Variants in ADAMTSL1 observed in about 807,000 individuals in gnomAD.
ADAMTSL1 encodes the protein ADAMTS-like protein 1.
Under a neutral mutation model 201.8 loss-of-function variants are expected in ADAMTSL1, and 126 were observed. The observed-to-expected ratio is 0.62, with a 90% CI of 0.54 to 0.72. The LOEUF (loss-of-function observed/expected upper bound fraction) is 0.72, where lower values mean the gene tolerates loss of function less well. Among genes scored for constraint, ADAMTSL1 ranks in the 30% least tolerant of loss-of-function variants. ADAMTSL1 has a pLI of 0.00. For synonymous variants in ADAMTSL1, 1,121 were observed against 903.4 expected, an observed-to-expected ratio of 1.24 and a Z score of -4.32; for missense variants, 2,679 against 2,277.8, an observed-to-expected ratio of 1.18 and a Z score of -3.59.
chr9:17,975,993 G>A (rs80276410), intron 1 of ADAMTSL1, among the ~76,000 whole-genome samples: 8,305 of 152,014 alleles, frequency 0.055, 576 homozygotes, highest in African/African-American at 0.16. Flanking sequence ...CCCCGACTGT[G>A]TATTCTTGGC....
intron 25 of ADAMTSL1, chr9:18,890,535 C>G (rs529869830): frequency 1.4e-4 from 62 of 456,060 alleles, no homozygotes; most frequent in African/African-American, 1.2e-3. Context: ...ACTTAGGCAA[C>G]TGCTTTCTGT....
intron 2 of ADAMTSL1, among the ~76,000 whole-genome samples, chr9:18,300,770 T>C (rs1833677498): frequency 6.6e-6 from 1 of 151,978 alleles, no homozygotes; most frequent in Non-Finnish European, 1.5e-5. Context: ...CAAAGGGAAG[T>C]CCCATGATGA....
chr9:18,571,955 G>T (rs1387244409), intron 3 of ADAMTSL1, among the ~76,000 whole-genome samples: 1 of 152,136 alleles, frequency 6.6e-6, no homozygotes, highest in Non-Finnish European at 1.5e-5. Flanking sequence ...CACTTTGAGA[G>T]GCCAAGGCAG....
At chr9:18,147,465 T>C (rs1289271977) in intron 1 of ADAMTSL1, among the ~76,000 whole-genome samples, 1 of 152,112 alleles carries the variant, frequency 6.6e-6, no homozygotes, top group African/African-American at 2.4e-5. Context: ...GCTCATTCAC[T>C]GCTTGGAACC....
chr9:18,889,034 A>G (rs1013196005), intron 24 of ADAMTSL1, among the ~76,000 whole-genome samples: 23 of 152,252 alleles, frequency 1.5e-4, no homozygotes, highest in African/African-American at 5.3e-4. Context: ...CAGACCCCCA[A>G]AGCAACTGGC....
At chr9:18,233,371 T>C (rs1403463791) in intron 2 of ADAMTSL1, among the ~76,000 whole-genome samples, 1 of 152,238 alleles carries the variant, frequency 6.6e-6, no homozygotes, top group Non-Finnish European at 1.5e-5. Context: ...AATTTCATCT[T>C]TTTTATCTTA....
chr9:18,170,265 T>C (rs543252793), intron 2 of ADAMTSL1, among the ~76,000 whole-genome samples: 13 of 152,166 alleles, frequency 8.5e-5, no homozygotes, highest in African/African-American at 2.9e-4. Context: ...TCTAAATCAT[T>C]TCTACATTTT....
intron 1 of ADAMTSL1, among the ~76,000 whole-genome samples, chr9:18,117,657 A>C (rs1825313542): frequency 6.6e-6 from 1 of 152,152 alleles, no homozygotes; most frequent in East Asian, 1.9e-4. Context: ...ATTATTTATT[A>C]CATTTATCAT....
chr9:18,540,534 T>A (rs1361066192), intron 3 of ADAMTSL1, among the ~76,000 whole-genome samples: 1 of 152,122 alleles, frequency 6.6e-6, no homozygotes, highest in Admixed American at 6.5e-5. Context: ...GTGGGTCATT[T>A]TATCAGGTGC....
intron 2 of ADAMTSL1, among the ~76,000 whole-genome samples, chr9:18,384,682 C>G (rs1563926439): frequency 6.6e-6 from 1 of 152,152 alleles, no homozygotes; most frequent in Non-Finnish European, 1.5e-5. Context: ...GGTTGGATCT[C>G]TGATGTCCTC....
chr9:18,067,482 A>T (rs1822759135), intron 1 of ADAMTSL1, among the ~76,000 whole-genome samples: 1 of 152,194 alleles, frequency 6.6e-6, no homozygotes, highest in Non-Finnish European at 1.5e-5. Context: ...CCACATTGAA[A>T]CCATAATCAT....
intron 1 of ADAMTSL1, among the ~76,000 whole-genome samples, chr9:18,066,044 C>T (rs1822686320): frequency 6.7e-6 from 1 of 150,164 alleles, no homozygotes; most frequent in Non-Finnish European, 1.5e-5. Context: ...ACCAGTTCTC[C>T]CTTATTTAAT....
chr9:18,346,279 A>G (rs1165226758), intron 2 of ADAMTSL1, among the ~76,000 whole-genome samples: 2 of 152,010 alleles, frequency 1.3e-5, no homozygotes, highest in Admixed American at 1.3e-4. Flanking sequence ...GCATATAGCC[A>G]GCCTCTTGGG....
Position 18,232,809 on chromosome 9 carries a change from C to T in ADAMTSL1, c.207+68828C>T, listed in dbSNP as rs143046532. 9.6e-3 allele frequency among the ~76,000 whole-genome samples: 1,458 copies of T among 152,238 alleles called. 23 individuals are homozygous for T. Among genetic ancestry groups the T allele is most frequent in the South Asian group, 0.059 (282 of 4,818 alleles). On this transcript the variant is annotated intron_variant, in intron 2 of 29. Transcript: ENST00000680146. Reference sequence around the variant, plus strand: ...TTATATAGAAAAGTAGCATCCTGCTCAAGTGTAGTAACTGGTACAAAAGGC... The same window carrying T: ...TTATATAGAAAAGTAGCATCCTGCTTAAGTGTAGTAACTGGTACAAAAGGC...
At chr9:18,719,355 A>G (rs1833180926) in intron 14 of ADAMTSL1, among the ~76,000 whole-genome samples, 1 of 152,062 alleles carries the variant, frequency 6.6e-6, no homozygotes, top group African/African-American at 2.4e-5. Context: ...ATTTTTATTA[A>G]TTTACTTTTG....
At chr9:18,124,368 A>G (rs1012630141) in intron 1 of ADAMTSL1, among the ~76,000 whole-genome samples, 8 of 152,150 alleles carry the variant, frequency 5.3e-5, no homozygotes, top group African/African-American at 1.9e-4. Flanking sequence ...GGTGTGCGCC[A>G]CCACACCCGA....
At chr9:18,291,412 C>T (rs1188753868) in intron 2 of ADAMTSL1, among the ~76,000 whole-genome samples, 1 of 152,094 alleles carries the variant, frequency 6.6e-6, no homozygotes, top group Non-Finnish European at 1.5e-5. Flanking sequence ...TCCATAAATC[C>T]TAGCACCTCT....
chr9:18,435,706 T>A (rs28489992), intron 2 of ADAMTSL1, among the ~76,000 whole-genome samples: 3,475 of 152,284 alleles, frequency 0.023, 128 homozygotes, highest in African/African-American at 0.08. Flanking sequence ...ATACCCAAGA[T>A]TGAGCAGGCC....
At chr9:18,055,553 A>G (rs1358232752) in intron 1 of ADAMTSL1, among the ~76,000 whole-genome samples, 3 of 152,228 alleles carry the variant, frequency 2.0e-5, no homozygotes, top group African/African-American at 7.2e-5. Context: ...ATGTACATAG[A>G]CCAAAGTGAT....
Sources: gnomAD v4.1 joint callset for allele counts (sites outside exome capture counted in the v4.1 genomes callset) on GRCh38, gnomAD v4.1.1 for gene constraint, MANE v1.5 for transcripts, NCBI Gene and HGNC (gene_info 2026-07-23, HGNC 2026-07-21) for gene names.